The following CYYR1 variants were observed in gnomAD, a reference collection of about 807,000 sequenced individuals.
The protein encoded by CYYR1 is cysteine and tyrosine rich 1.
CYYR1 carries 14 observed loss-of-function variants against 15.2 expected under a neutral mutation model. The ratio of observed to expected loss-of-function variants is 0.92; its 90% CI spans 0.61 to 1.44. The LOEUF is 1.44. Among genes scored for constraint, CYYR1 ranks in the 40% most tolerant of loss-of-function variants. The pLI is 0.00. For missense variants in CYYR1, 228 were observed against 209.5 expected, an observed-to-expected ratio of 1.09 and a Z score of -0.54; for synonymous variants, 80 against 77.4, an observed-to-expected ratio of 1.03 and a Z score of -0.18.
At chr21:26,527,190 T>C (rs1301053519) in intron 2 of CYYR1, among the ~76,000 whole-genome samples, 4 of 152,148 alleles carry the variant, frequency 2.6e-5, no homozygotes, top group Admixed American at 1.3e-4. Flanking sequence ...AGAGCTACAG[T>C]AAAGGCCAGA....
intron 2 of CYYR1, among the ~76,000 whole-genome samples, chr21:26,509,106 C>G (rs996626281): frequency 6.6e-6 from 1 of 152,272 alleles, no homozygotes; most frequent in South Asian, 2.1e-4. Context: ...GAGTAAAAGG[C>G]AAAGTCCTTA....
chr21:26,480,191 T>C, intron 3 of CYYR1, 81 bp downstream of exon 3: 1 of 1,380,132 alleles, frequency 7.2e-7, no homozygotes, highest in Admixed American at 2.5e-5. Flanking sequence ...TCATTGACCA[T>C]CTAGAATGTT....
chr21:26,522,474 C>T (rs2123566132), intron 2 of CYYR1, among the ~76,000 whole-genome samples: 1 of 152,260 alleles, frequency 6.6e-6, no homozygotes, highest in Non-Finnish European at 1.5e-5. Flanking sequence ...AATGCTCTCC[C>T]AAATTATAGA....
intron 2 of CYYR1, among the ~76,000 whole-genome samples, chr21:26,534,564 A>C (rs759953893): frequency 6.6e-6 from 1 of 151,902 alleles, no homozygotes; most frequent in African/African-American, 2.4e-5. Context: ...GGAGAATAAA[A>C]CCTTTGATCC....
At chr21:26,530,863 A>C (rs1038214358) in intron 2 of CYYR1, among the ~76,000 whole-genome samples, 1 of 152,100 alleles carries the variant, frequency 6.6e-6, no homozygotes. Flanking sequence ...AGTCTATCAG[A>C]GAAATTCATT....
chr21:26,537,701 G>C (rs1365990645), intron 2 of CYYR1, among the ~76,000 whole-genome samples: 1 of 152,108 alleles, frequency 6.6e-6, no homozygotes, highest in Non-Finnish European at 1.5e-5. Flanking sequence ...CTGGTAAGTA[G>C]AAAGCTAGAA....
intron 2 of CYYR1, among the ~76,000 whole-genome samples, chr21:26,536,830 T>C (rs1978307244): frequency 6.6e-6 from 1 of 152,186 alleles, no homozygotes; most frequent in Non-Finnish European, 1.5e-5. Context: ...ATCATTTCTA[T>C]ACTCTTTAGA....
At chr21:26,550,700 G>A (rs1979323826) in intron 2 of CYYR1, 1 of 152,200 alleles carries the variant, frequency 6.6e-6, no homozygotes, top group Admixed American at 6.6e-5. Context: ...GACTGAGAGA[G>A]GTAAGGAAAG....
chr21:26,525,108 AT>A (rs2065847756), intron 2 of CYYR1, among the ~76,000 whole-genome samples: 1 of 152,166 alleles, frequency 6.6e-6, no homozygotes, highest in African/African-American at 2.4e-5. Context: ...ATTCTATGCA[AT>A]TAAAAAGATT....
chr21:26,472,409 A>G (rs1165369629), intron 3 of CYYR1, among the ~76,000 whole-genome samples: 1 of 152,128 alleles, frequency 6.6e-6, no homozygotes, highest in Non-Finnish European at 1.5e-5. Context: ...ATTGCTTAGA[A>G]TACATTATAA....
Position 26,468,554 on chromosome 21 carries a change from C to G in CYYR1, c.415G>C (p.Gly139Arg). ...GGGGGTGGAGAACGCTGTGCTGGAC[C>G]CTGTGGGGTGGGGGAGTATGGAGGA... is the stretch of plus-strand genomic sequence containing the variant. ...LPPPYSPTPQ[G>R]PAQRSPPPPY... is the part of the protein sequence containing the mutation. Residue 139 changes from glycine to arginine, a missense_variant, in exon 4 of 4, where the codon GGT becomes CGT. Gly to Arg is a moderately radical substitution (Grantham distance 125, BLOSUM62 -2). Transcript: ENST00000652641. 2 of 1,613,008 alleles carry G rather than the reference C, an allele frequency of 1.2e-6. No homozygotes were observed. Among genetic ancestry groups the G allele is most frequent in the Middle Eastern group, 1.7e-4 (1 of 6,052 alleles).
Position 26,488,240 on chromosome 21 carries a change from A to ACTTCCTTCCTTCCTTCCTTC in CYYR1, c.177-7831_177-7812dup, listed in dbSNP as rs71336135. 1.4e-4 allele frequency among the ~76,000 whole-genome samples: 19 copies of ACTTCCTTCCTTCCTTCCTTC among 139,422 alleles called. 1 individual carries two copies. The highest frequency in any genetic ancestry group is 6.2e-4 in the East Asian group (3 of 4,844). 91.5% of individuals were successfully genotyped at this position (139,422 alleles called of 152,430 possible). ...TAAAATAAAGACTACATCTTCCCCT[A>ACTTCCTTCCTTCCTTCCTTC]CTTCCTTCCTTCCTTCCTTCCTTCC... On this transcript the variant is annotated intron_variant, in intron 2 of 3. Coordinates refer to ENST00000652641, the MANE Select transcript of CYYR1 (RefSeq NM_001320768.2).
In CYYR1 at chr21:26,468,237, C is replaced by A; in HGVS notation, c.*264G>T. On this transcript the variant is annotated 3_prime_UTR_variant, in exon 4 of 4. Coordinates refer to ENST00000652641, the MANE Select transcript of CYYR1 (RefSeq NM_001320768.2). The stretch of plus-strand genomic sequence containing the variant: ...TGATTATCAGATATTTTGTCAATTA[C>A]ATTACTCTTCCCTGAATGTGCTTAG... The A allele has an allele frequency of 2.2e-6, 1 of 457,900 alleles. No homozygotes were observed. Among genetic ancestry groups the A allele is most frequent in the South Asian group, 2.2e-5 (1 of 44,764 alleles). 28.4% of individuals were successfully genotyped at this position (457,900 alleles called of 1,614,324 possible).
At chr21:26,496,744 G>A (rs913802429) in intron 2 of CYYR1, among the ~76,000 whole-genome samples, 1 of 152,132 alleles carries the variant, frequency 6.6e-6, no homozygotes, top group Non-Finnish European at 1.5e-5. Flanking sequence ...CCAAATTTGT[G>A]TAGACCCGGA....
chr21:26,481,156 G>T (rs2065175388), intron 2 of CYYR1, among the ~76,000 whole-genome samples: 1 of 152,062 alleles, frequency 6.6e-6, no homozygotes, highest in Non-Finnish European at 1.5e-5. Flanking sequence ...TAATTTGTAG[G>T]TAACTACATT....
At chr21:26,554,176 CTA>C (rs1287734782) in intron 2 of CYYR1, among the ~76,000 whole-genome samples, 1 of 152,160 alleles carries the variant, frequency 6.6e-6, no homozygotes, top group African/African-American at 2.4e-5. Flanking sequence ...AACACTCAAT[CTA>C]TACAGCACTA....
chr21:26,483,124 T>C (rs1230979528), intron 2 of CYYR1, among the ~76,000 whole-genome samples: 1 of 152,098 alleles, frequency 6.6e-6, no homozygotes, highest in East Asian at 1.9e-4. Flanking sequence ...ATTGACTTTA[T>C]CTTCCAAAGT....
intron 2 of CYYR1, among the ~76,000 whole-genome samples, chr21:26,520,415 C>G (rs796820390): frequency 2.0e-5 from 3 of 151,750 alleles, no homozygotes; most frequent in Non-Finnish European, 4.4e-5. Flanking sequence ...GATCTCATTC[C>G]TTTTTATGGC....
At chr21:26,523,035 A>G (rs1327677140) in intron 2 of CYYR1, among the ~76,000 whole-genome samples, 1 of 152,216 alleles carries the variant, frequency 6.6e-6, no homozygotes, top group African/African-American at 2.4e-5. Flanking sequence ...AAATGGTAAG[A>G]TAGAGGAAAG....
Sources: gnomAD v4.1 joint callset for allele counts (sites outside exome capture counted in the v4.1 genomes callset) on GRCh38, gnomAD v4.1.1 for gene constraint, MANE v1.5 for transcripts, NCBI Gene and HGNC (gene_info 2026-07-23, HGNC 2026-07-21) for gene names.